The following GABRB1 variants were observed in gnomAD, a reference collection of about 807,000 sequenced individuals.
GABRB1 encodes the protein gamma-aminobutyric acid receptor subunit beta-1.
A neutral mutation model predicts 51.6 loss-of-function variants in GABRB1; 17 were observed. The ratio of observed to expected loss-of-function variants is 0.33; its 90% CI spans 0.23 to 0.49. The LOEUF is 0.49. GABRB1 is among the 20% of genes least tolerant of loss of function. GABRB1 has a pLI of 0.99. For missense variants in GABRB1, 410 were observed against 600.6 expected (o/e 0.68, Z 3.32); for synonymous variants, 247 against 218.9 (o/e 1.13, Z -1.14).
At chr4:47,301,863 T>C (rs557571199) in intron 4 of GABRB1, among the ~76,000 whole-genome samples, 2 of 152,280 alleles carry the variant, frequency 1.3e-5, no homozygotes, top group African/African-American at 4.8e-5. Flanking sequence ...AGAAATTTGT[T>C]GCTTTTCTAT....
chr4:47,422,243 C>T (rs1729112781), intron 8 of GABRB1, among the ~76,000 whole-genome samples: 1 of 152,184 alleles, frequency 6.6e-6, no homozygotes, highest in Admixed American at 6.5e-5. Context: ...CTTCCTCACT[C>T]ACTCCCTTAG....
chr4:47,233,674 A>C (rs1721225359), intron 4 of GABRB1, among the ~76,000 whole-genome samples: 1 of 152,194 alleles, frequency 6.6e-6, no homozygotes, highest in Admixed American at 6.5e-5. Context: ...ATGTCAGTTC[A>C]TATCACTAGA....
At chr4:47,394,125 G>T (rs925186339) in intron 5 of GABRB1, among the ~76,000 whole-genome samples, 1 of 152,142 alleles carries the variant, frequency 6.6e-6, no homozygotes, top group Non-Finnish European at 1.5e-5. Flanking sequence ...AAGTAAGCAC[G>T]CCAGCATCAC....
chr4:47,102,196 G>A (rs903863108), intron 3 of GABRB1, among the ~76,000 whole-genome samples: 1 of 151,950 alleles, frequency 6.6e-6, no homozygotes, highest in Non-Finnish European at 1.5e-5. Context: ...GACAGATTAG[G>A]AATCCTAGTA....
At chr4:47,360,953 A>G (rs954420838) in intron 5 of GABRB1, among the ~76,000 whole-genome samples, 1 of 152,100 alleles carries the variant, frequency 6.6e-6, no homozygotes, top group East Asian at 1.9e-4. Flanking sequence ...TCTCACAACA[A>G]CCCAATGAGA....
At chr4:47,204,425 G>GT (rs1720031072) in intron 4 of GABRB1, among the ~76,000 whole-genome samples, 1 of 152,120 alleles carries the variant, frequency 6.6e-6, no homozygotes, top group South Asian at 2.1e-4. Context: ...GGTTTGGGTA[G>GT]TTTTACCCTG....
At chr4:47,359,050 A>G (rs1726702111) in intron 5 of GABRB1, among the ~76,000 whole-genome samples, 1 of 152,070 alleles carries the variant, frequency 6.6e-6, no homozygotes, top group Non-Finnish European at 1.5e-5. Flanking sequence ...AAGCAATAGG[A>G]CAAGAACAAG....
intron 4 of GABRB1, among the ~76,000 whole-genome samples, chr4:47,253,632 G>A (rs923387742): frequency 2.6e-5 from 4 of 151,960 alleles, no homozygotes; most frequent in Admixed American, 6.6e-5. Context: ...TTTTATTACA[G>A]TAACAATTTC....
At chr4:47,402,900 ACTAT>A (rs1213001795) in intron 5 of GABRB1, among the ~76,000 whole-genome samples, 2 of 152,166 alleles carry the variant, frequency 1.3e-5, no homozygotes, top group African/African-American at 4.8e-5. Context: ...ATCTCTTTAC[ACTAT>A]CTGTTATCCA....
chr4:47,292,541 A>G (rs1723789785), intron 4 of GABRB1, among the ~76,000 whole-genome samples: 1 of 152,266 alleles, frequency 6.6e-6, no homozygotes, highest in African/African-American at 2.4e-5. Context: ...AAAGAGTTTT[A>G]AACAGTACAT....
At chr4:47,175,810 T>A (rs1057440953) in intron 4 of GABRB1, among the ~76,000 whole-genome samples, 1 of 152,202 alleles carries the variant, frequency 6.6e-6, no homozygotes, top group Non-Finnish European at 1.5e-5. Context: ...ATATGCTTAG[T>A]CTGTCAGTAC....
At chr4:47,137,933 C>T (rs1212685590) in intron 3 of GABRB1, among the ~76,000 whole-genome samples, 1 of 152,074 alleles carries the variant, frequency 6.6e-6, no homozygotes, top group Non-Finnish European at 1.5e-5. Context: ...AAATATTCCA[C>T]AGAAATAGAA....
upstream of GABRB1, among the ~76,000 whole-genome samples, chr4:47,028,883 A>G (rs192120226): frequency 8.0e-5 from 12 of 149,246 alleles, no homozygotes; most frequent in African/African-American, 2.7e-4. Flanking sequence ...ATATATATAT[A>G]TATGGTGTAT....
intron 5 of GABRB1, among the ~76,000 whole-genome samples, chr4:47,386,095 A>G (rs955052245): frequency 3.3e-5 from 5 of 152,196 alleles, no homozygotes; most frequent in African/African-American, 9.7e-5. Flanking sequence ...TATTAACTCA[A>G]TCTACAGCTT....
chr4:47,311,307 G>A (rs1400239224), intron 4 of GABRB1, among the ~76,000 whole-genome samples: 1 of 151,260 alleles, frequency 6.6e-6, no homozygotes, highest in African/African-American at 2.4e-5. Flanking sequence ...AGCTACTGGG[G>A]AGGCTGAGGC....
intron 5 of GABRB1, among the ~76,000 whole-genome samples, chr4:47,364,020 A>C (rs568889541): frequency 2.0e-5 from 3 of 152,312 alleles, no homozygotes; most frequent in Admixed American, 1.3e-4. Context: ...AAACTAATCT[A>C]CTTCTCATGC....
intron 7 of GABRB1, among the ~76,000 whole-genome samples, chr4:47,406,157 G>T (rs561628764): frequency 1.4e-3 from 212 of 152,268 alleles, no homozygotes; most frequent in African/African-American, 5.0e-3. Context: ...TGCTAAGAAT[G>T]ACACACAATC....
At chr4:47,182,410 A>G (rs1718988760) in intron 4 of GABRB1, among the ~76,000 whole-genome samples, 5 of 152,054 alleles carry the variant, frequency 3.3e-5, no homozygotes, top group Admixed American at 3.3e-4. Flanking sequence ...ATTGATGAGC[A>G]AATGATCCAT....
chr4:47,085,762 T>G (rs1291851696), intron 3 of GABRB1, among the ~76,000 whole-genome samples: 1 of 152,224 alleles, frequency 6.6e-6, no homozygotes, highest in African/African-American at 2.4e-5. Flanking sequence ...TATGGCTGCA[T>G]TCATGTGACA....
Sources: allele counts gnomAD v4.1 joint callset (sites outside exome capture counted in the v4.1 genomes callset), GRCh38; gene constraint gnomAD v4.1.1; transcripts MANE v1.5; gene names NCBI Gene and HGNC (gene_info 2026-07-23, HGNC 2026-07-21).